TMPRSS2: variants seen among roughly 807,000 people sequenced by gnomAD.
The protein encoded by TMPRSS2 is transmembrane protease serine 2.
A neutral mutation model predicts 67.4 loss-of-function variants in TMPRSS2; 59 were observed. That is an observed-to-expected ratio of 0.88 (90% CI 0.71 to 1.09). The LOEUF is 1.09. Ranked by LOEUF, TMPRSS2 falls within the 50% of genes least tolerant of loss-of-function variation. The pLI, the probability that TMPRSS2 is intolerant of heterozygous loss-of-function variation, is 0.00. For missense variants in TMPRSS2, 668 were observed against 642.7 expected (o/e 1.04, Z -0.43); for synonymous variants, 257 against 257.0 (o/e 1.00, Z 0.00).
chr21:41,488,235 T>G (rs1245357039), intron 5 of TMPRSS2, among the ~76,000 whole-genome samples, 159 bp downstream of exon 5: 1 of 152,268 alleles, frequency 6.6e-6, no homozygotes, highest in South Asian at 2.1e-4. Context: ...AAACACAACC[T>G]CTCTGAGCCC....
chr21:41,496,333 A>G (rs1601588158), intron 2 of TMPRSS2, among the ~76,000 whole-genome samples: 1 of 152,262 alleles, frequency 6.6e-6, no homozygotes, highest in Non-Finnish European at 1.5e-5. Flanking sequence ...TAAGGAATGT[A>G]TCGTCATTCA....
Position 41,465,270 on chromosome 21 carries a change from G to A in TMPRSS2, c.*872C>T, listed in dbSNP as rs2091074935. On this transcript the variant is annotated 3_prime_UTR_variant, in exon 14 of 14. Transcript: ENST00000332149. ...ACATGGAAACAGTGTACCTTAAACT[G>A]AGCATCCTTGATTTCCCCCATGGAC... 1 of 233,620 alleles carries A rather than the reference G, an allele frequency of 4.3e-6. No homozygotes were observed. The highest frequency in any genetic ancestry group is 2.2e-5 in the African/African-American group (1 of 45,348). The allele number at this position is 233,620 out of a possible 1,614,324, so 14.5% of individuals were successfully genotyped here.
intron 9 of TMPRSS2, among the ~76,000 whole-genome samples, chr21:41,472,386 A>C (rs2091141663): frequency 1.3e-5 from 2 of 152,238 alleles, no homozygotes; most frequent in South Asian, 4.1e-4. Context: ...ATATCAATCA[A>C]ACCATTTCCT....
At chr21:41,477,586 CAAT>C (rs1370542570) in intron 7 of TMPRSS2, among the ~76,000 whole-genome samples, 1 of 152,180 alleles carries the variant, frequency 6.6e-6, no homozygotes, top group African/African-American at 2.4e-5. Context: ...CCAGGCCCTA[CAAT>C]AATAGGTCCT....
intron 8 of TMPRSS2, among the ~76,000 whole-genome samples, chr21:41,475,652 G>C (rs866491009): frequency 1.4e-5 from 1 of 73,540 alleles, no homozygotes; most frequent in African/African-American, 5.1e-5. Context: ...GAGGAGGTGA[G>C]TGAGGGTTGA....
chr21:41,499,934 T>C (rs933070687), intron 1 of TMPRSS2, among the ~76,000 whole-genome samples: 3 of 152,176 alleles, frequency 2.0e-5, no homozygotes, highest in African/African-American at 7.2e-5. Context: ...CAAGACCATG[T>C]TCCCAATGAG....
At position 41,502,434 on chromosome 21, in the gene TMPRSS2, C is replaced by T. The variant is rs1381970635; in HGVS notation, c.-56-4245G>A. The T allele has an allele frequency of 1.4e-5, 14 of 985,400 alleles. No individual in the cohort carries two copies. In the South Asian group the frequency reaches 1.9e-4, roughly 13 times the overall value. 61.0% of individuals were successfully genotyped at this position (985,400 alleles called of 1,614,324 possible). On this transcript the variant is annotated intron_variant, in intron 1 of 13. Coordinates refer to ENST00000332149, the MANE Select transcript of TMPRSS2 (RefSeq NM_005656.4). The stretch of plus-strand genomic sequence containing the variant: ...TCGAAGCCCCCACCTGTGACTGGTA[C>T]GGTTCGAGTTGCTGGAGGTGTGAGA...
In TMPRSS2 at chr21:41,508,080, C is replaced by A; in HGVS notation, c.-57+1G>T. On this transcript the variant is annotated splice_donor_variant, in intron 1 of 13. Transcript: ENST00000332149. LOFTEE classifies it low-confidence loss of function (5UTR_SPLICE). ...GGGACCCTGGTACCGGCGCCGCTCA[C>A]CTGCCGCGCTCCAGGCGGCGCTCCC... 1 of 1,269,860 alleles carries A rather than the reference C, an allele frequency of 7.9e-7. No individual in the cohort carries two copies. Among genetic ancestry groups the A allele is most frequent in the Non-Finnish European group, 1.0e-6 (1 of 1,000,478 alleles). The allele number at this position is 1,269,860 out of a possible 1,614,324, so 78.7% of individuals were successfully genotyped here. A position where few individuals can be genotyped will look rare whatever the true frequency, so the allele number is the denominator to read the frequency against.
At chr21:41,505,199 GC>G (rs1371426299) in intron 1 of TMPRSS2, among the ~76,000 whole-genome samples, 1 of 152,018 alleles carries the variant, frequency 6.6e-6, no homozygotes, top group African/African-American at 2.4e-5. Context: ...TCTGATCAGT[GC>G]TCCCCAAACC....
chr21:41,481,610 A>G (rs2091257468), intron 5 of TMPRSS2, among the ~76,000 whole-genome samples: 1 of 152,194 alleles, frequency 6.6e-6, no homozygotes, highest in African/African-American at 2.4e-5. Context: ...TATATATTTA[A>G]ATTTTATGGT....
chr21:41,470,826 GC>G, intron 10 of TMPRSS2, 83 bp from the exon 11 acceptor site: 1 of 1,184,074 alleles, frequency 8.4e-7, no homozygotes, highest in Non-Finnish European at 1.2e-6. Flanking sequence ...AGGCTGCTGG[GC>G]CTGGCACCCT....
At chr21:41,470,047 T>A (rs1238775874) in intron 11 of TMPRSS2, among the ~76,000 whole-genome samples, 1 of 152,186 alleles carries the variant, frequency 6.6e-6, no homozygotes. Context: ...ATTTGTTGTC[T>A]GTATGGCCTA....
chr21:41,482,326 C>T (rs560575827), intron 5 of TMPRSS2, among the ~76,000 whole-genome samples: 1 of 152,172 alleles, frequency 6.6e-6, no homozygotes, highest in Non-Finnish European at 1.5e-5. Flanking sequence ...ATGGGGTGGG[C>T]GTATTCACAG....
intron 9 of TMPRSS2, among the ~76,000 whole-genome samples, chr21:41,472,862 G>A (rs1318751720): frequency 2.0e-5 from 3 of 152,144 alleles, no homozygotes; most frequent in Non-Finnish European, 4.4e-5. Context: ...ATACTGTCAC[G>A]GCTAGCCTCA....
rs368321133 is a variant in TMPRSS2, at chr21:41,473,405, C to T, written c.819G>A (p.Leu273=). The T allele has an allele frequency of 3.1e-6, 5 of 1,610,246 alleles. No individual in the cohort carries two copies. The highest frequency in any genetic ancestry group is 2.2e-5 in the South Asian group (2 of 90,576). The change falls in exon 9 of 14, where the codon CTG becomes CTA. Residue 273 remains leucine, a synonymous_variant. Coordinates refer to ENST00000332149, the MANE Select transcript of TMPRSS2 (RefSeq NM_005656.4). ...CGCACACGTGGACGTTCTGGACGTG[C>T]AGGCTGACCTGCCAGGGCCAGGCCC... ...LPGAWPWQVS[L]HVQNVHVCGG...
At chr21:41,490,454 A>G (rs1601583352) in intron 3 of TMPRSS2, among the ~76,000 whole-genome samples, 1 of 152,238 alleles carries the variant, frequency 6.6e-6, no homozygotes, top group Admixed American at 6.5e-5. Context: ...CTCAGTCATC[A>G]TATGTGGCTG....
intron 11 of TMPRSS2, among the ~76,000 whole-genome samples, chr21:41,469,755 A>G: frequency 6.6e-6 from 1 of 152,128 alleles, no homozygotes; most frequent in East Asian, 1.9e-4. Context: ...CACCACCGAC[A>G]TCCAGAAGAG....
chr21:41,502,343 G>A lies in TMPRSS2; in HGVS notation c.-56-4154C>T, dbSNP rs143460343. On this transcript the variant is annotated intron_variant, in intron 1 of 13. Coordinates refer to ENST00000332149, the MANE Select transcript of TMPRSS2 (RefSeq NM_005656.4). ...CACTGACTCCCACCCAAGATCCAGG[G>A]GTATTCTCTGCAATGAAGTCTCCAC... 431 of 976,154 alleles carry A rather than the reference G, an allele frequency of 4.4e-4. No homozygotes were observed. In the African/African-American group the frequency reaches 5.1e-3, roughly 12 times the overall value. 60.5% of individuals were successfully genotyped at this position (976,154 alleles called of 1,614,324 possible).
chr21:41,471,775 A>G (rs1601562966), intron 10 of TMPRSS2, 31 bp downstream of exon 10: 3 of 1,560,170 alleles, frequency 1.9e-6, no homozygotes, highest in Non-Finnish European at 2.6e-6. Context: ...AGATTCTGCC[A>G]ACCTGCTTGC....
Sources: allele counts gnomAD v4.1 joint callset (sites outside exome capture counted in the v4.1 genomes callset), GRCh38; gene constraint gnomAD v4.1.1; transcripts MANE v1.5; gene names NCBI Gene and HGNC (gene_info 2026-07-23, HGNC 2026-07-21).